The following THSD7B variants were observed in gnomAD, a reference collection of about 807,000 sequenced individuals.
The protein encoded by THSD7B is thrombospondin type 1 domain containing 7B, also known as thrombospondin type-1 domain-containing protein 7B.
THSD7B carries 138 observed loss-of-function variants against 213.6 expected under a neutral mutation model. The observed-to-expected ratio is 0.65, with a 90% CI of 0.56 to 0.74. The LOEUF is 0.74. Ranked by LOEUF, THSD7B falls within the 30% of genes least tolerant of loss-of-function variation. The probability of loss-of-function intolerance (pLI) is 0.00; values close to 1 mark genes in which losing one functional copy is unlikely to be tolerated. For synonymous variants in THSD7B, 742 were observed against 687.0 expected, an observed-to-expected ratio of 1.08 and a Z score of -1.25; for missense variants, 1,931 against 1,991.5, an observed-to-expected ratio of 0.97 and a Z score of 0.58.
chr2:137,412,187 A>G (rs1686672392), intron 14 of THSD7B, among the ~76,000 whole-genome samples: 1 of 152,188 alleles, frequency 6.6e-6, no homozygotes, highest in Non-Finnish European at 1.5e-5. Context: ...AATACAAACA[A>G]ATATGTTCCA....
chr2:136,883,012 G>A (rs1683650871), intron 2 of THSD7B, among the ~76,000 whole-genome samples: 1 of 152,046 alleles, frequency 6.6e-6, no homozygotes, highest in African/African-American at 2.4e-5. Flanking sequence ...AAACATCTTA[G>A]CTCTTTGTAT....
At chr2:137,033,352 G>C (rs550813290) in intron 2 of THSD7B, among the ~76,000 whole-genome samples, 2 of 152,170 alleles carry the variant, frequency 1.3e-5, no homozygotes, top group Admixed American at 6.5e-5. Flanking sequence ...GCTCAGGCCG[G>C]TTCAGGTGGC....
chr2:137,350,084 G>A (rs1684973850), intron 12 of THSD7B, among the ~76,000 whole-genome samples: 1 of 151,762 alleles, frequency 6.6e-6, no homozygotes, highest in South Asian at 2.1e-4. Context: ...AACCTGTTAT[G>A]TACCAATGTA....
chr2:137,517,170 G>A (rs1478076177), intron 15 of THSD7B, among the ~76,000 whole-genome samples: 1 of 152,218 alleles, frequency 6.6e-6, no homozygotes, highest in Non-Finnish European at 1.5e-5. Flanking sequence ...TGCTGGCAAG[G>A]CCAGCAATAT....
At chr2:137,409,748 G>C (rs1046422790) in intron 13 of THSD7B, among the ~76,000 whole-genome samples, 60 of 152,142 alleles carry the variant, frequency 3.9e-4, no homozygotes, top group African/African-American at 1.4e-3. Flanking sequence ...AGAGAGAGGT[G>C]GGGGCATGGG....
rs545115001 is a variant in THSD7B, at chr2:136,801,790, C to G, written c.-36+36103C>G. On this transcript the variant is annotated intron_variant, in intron 1 of 27. Coordinates refer to ENST00000409968, the MANE Select transcript of THSD7B (RefSeq NM_001316349.2). ...GGTGTAATTGTGCAGCTGTGAATGG[C>G]TAAAACGAAGGCAGTAATTTTCAGC... Among the ~76,000 whole-genome samples the G allele has an allele frequency of 2.6e-5, 4 of 152,176 alleles. No homozygotes were observed. In the South Asian group the frequency reaches 8.3e-4, roughly 32 times the overall value.
chr2:137,213,591 TAA>T (rs1681171006), intron 7 of THSD7B, among the ~76,000 whole-genome samples: 1 of 151,322 alleles, frequency 6.6e-6, no homozygotes, highest in Admixed American at 6.6e-5. Context: ...ACATGATATA[TAA>T]GATTATTAAT....
intron 3 of THSD7B, among the ~76,000 whole-genome samples, chr2:137,082,780 G>T (rs1470570083): frequency 6.6e-6 from 1 of 152,074 alleles, no homozygotes; most frequent in African/African-American, 2.4e-5. Flanking sequence ...CTCTGTCTAA[G>T]AAATTTGGAG....
chr2:137,374,225 T>C (rs1489711220), intron 12 of THSD7B, among the ~76,000 whole-genome samples: 3 of 152,160 alleles, frequency 2.0e-5, no homozygotes, highest in African/African-American at 7.2e-5. Context: ...TATTTCTGAT[T>C]TTTTAAAGCA....
chr2:137,029,267 C>T (rs987060373), intron 2 of THSD7B, among the ~76,000 whole-genome samples: 10 of 151,692 alleles, frequency 6.6e-5, no homozygotes, highest in Admixed American at 6.6e-5. Flanking sequence ...TTAGTAGAGA[C>T]GGGGTTTTAC....
At chr2:137,253,214 T>G (rs1359058766) in intron 10 of THSD7B, among the ~76,000 whole-genome samples, 2 of 152,140 alleles carry the variant, frequency 1.3e-5, no homozygotes. Flanking sequence ...CTATCAGTGG[T>G]CTATGATAAA....
chr2:137,000,084 C>G (rs536249312), intron 2 of THSD7B, among the ~76,000 whole-genome samples: 2 of 152,276 alleles, frequency 1.3e-5, no homozygotes, highest in African/African-American at 4.8e-5. Flanking sequence ...CGGTTTCTCT[C>G]TGGCATGGGG....
chr2:137,141,625 A>G (rs1325688755), intron 5 of THSD7B, among the ~76,000 whole-genome samples: 1 of 151,950 alleles, frequency 6.6e-6, no homozygotes, highest in East Asian at 1.9e-4. Flanking sequence ...AGATGTTACC[A>G]TGGGGGAAAC....
At chr2:137,600,453 A>G (rs1682054554) in intron 17 of THSD7B, among the ~76,000 whole-genome samples, 1 of 152,182 alleles carries the variant, frequency 6.6e-6, no homozygotes, top group Non-Finnish European at 1.5e-5. Flanking sequence ...AAAGTTAACT[A>G]CAGACTGGAT....
chr2:137,241,552 T>C (rs2105064430), intron 9 of THSD7B, among the ~76,000 whole-genome samples: 1 of 152,296 alleles, frequency 6.6e-6, no homozygotes. Flanking sequence ...CTGGTTAGTA[T>C]ATTTGTTATT....
chr2:137,177,782 A>G (rs929834281), intron 7 of THSD7B, among the ~76,000 whole-genome samples: 4 of 152,154 alleles, frequency 2.6e-5, no homozygotes, highest in Non-Finnish European at 5.9e-5. Context: ...AATCAAGAAT[A>G]GTATTGGTCC....
Position 137,655,507 on chromosome 2 carries a change from G to A in THSD7B, c.3952G>A (p.Asp1318Asn), listed in dbSNP as rs1399420692. The A allele has an allele frequency of 6.2e-7, 1 of 1,611,120 alleles. No homozygotes were observed. The highest frequency in any genetic ancestry group is 1.7e-5 in the Admixed American group (1 of 59,662). The change falls in exon 22 of 28, where the codon GAC (aspartate) becomes AAC (asparagine). Residue 1318 changes from aspartate to asparagine, a missense_variant. Asp to Asn is a conservative substitution (Grantham distance 23). Coordinates refer to ENST00000409968, the MANE Select transcript of THSD7B (RefSeq NM_001316349.2). The stretch of plus-strand genomic sequence containing the variant: ...GTATCCTTTCCTCTCATAGGGTGGA[G>A]ACTGTGGGGAAGGAGTTCAGATCCG... ...NWSACKLEGG[D>N]CGEGVQIRSL...
chr2:137,425,210 T>C (rs1373054154), intron 14 of THSD7B, among the ~76,000 whole-genome samples: 1 of 151,936 alleles, frequency 6.6e-6, no homozygotes, highest in East Asian at 1.9e-4. Flanking sequence ...ATGATTTATT[T>C]ATTTTTATTT....
At chr2:136,787,346 C>T (rs184075387) in intron 1 of THSD7B, among the ~76,000 whole-genome samples, 4 of 151,902 alleles carry the variant, frequency 2.6e-5, no homozygotes, top group South Asian at 2.1e-4. Context: ...TTTTCATAAG[C>T]CCTCTCTTTT....
Sources: allele counts gnomAD v4.1 joint callset (sites outside exome capture counted in the v4.1 genomes callset), GRCh38; gene constraint gnomAD v4.1.1; transcripts MANE v1.5; gene names NCBI Gene and HGNC (gene_info 2026-07-23, HGNC 2026-07-21).